The following SUGT1 variants were observed in gnomAD, a reference collection of about 807,000 sequenced individuals.
SUGT1 encodes SGT1 assembly cochaperone of MIS12 kinetochore complex, also known as protein SGT1 homolog.
In SUGT1, 15 loss-of-function variants were observed where a neutral mutation model predicts 56.1. The ratio of observed to expected loss-of-function variants is 0.27; its 90% CI spans 0.18 to 0.41. SUGT1 has a LOEUF of 0.41. Ranked by LOEUF, SUGT1 falls within the 10% of genes least tolerant of loss-of-function variation. The probability of loss-of-function intolerance (pLI) is 1.00; values close to 1 mark genes in which losing one functional copy is unlikely to be tolerated. For synonymous variants in SUGT1, 123 were observed against 128.6 expected (o/e 0.96, Z 0.30); for missense variants, 347 against 382.2 (o/e 0.91, Z 0.77).
chr13:52,659,973 C>T (rs896072753), intron 5 of SUGT1, among the ~76,000 whole-genome samples: 9 of 150,734 alleles, frequency 6.0e-5, no homozygotes, highest in Non-Finnish European at 1.2e-4. Context: ...GGACTACAGG[C>T]GACCACCACC....
At position 52,667,436 on chromosome 13, in the gene SUGT1, CT is replaced by C. The variant is rs564589597; in HGVS notation, c.627+518del. Among the ~76,000 whole-genome samples, 28 of 152,210 alleles carry C rather than the reference CT, an allele frequency of 1.8e-4. 1 individual carries two copies. The South Asian group carries it at 5.0e-3, about 27-fold the overall frequency. ...CTCGGCTCACTGCAACCTCTGCCTC[CT>C]GGATCCAAGTGATTCTCCTGCTTCA... On this transcript the variant is annotated intron_variant, in intron 10 of 12. Transcript: ENST00000310528.
chr13:52,662,791 T>G (rs972507449), intron 6 of SUGT1, 89 bp downstream of exon 6: 121 of 1,337,204 alleles, frequency 9.0e-5, no homozygotes, highest in Non-Finnish European at 1.2e-4. Context: ...GTTTTTATCT[T>G]TATAATTTCT....
In SUGT1 at chr13:52,680,300, C is replaced by G. The variant is rs1007197969; in HGVS notation, c.900+145C>G. 13 of 679,996 alleles carry G rather than the reference C, an allele frequency of 1.9e-5. No individual in the cohort carries two copies. The African/African-American group carries it at 2.3e-4, about 12-fold the overall frequency. 42.1% of individuals were successfully genotyped at this position (679,996 alleles called of 1,614,324 possible). On this transcript the variant is annotated intron_variant, in intron 12 of 12. Coordinates refer to ENST00000310528, the MANE Select transcript of SUGT1 (RefSeq NM_006704.5). Reference sequence around the variant, plus strand: ...GTCTGTCTGAACGTTTCTTTTTGCTCTAAGAGTAATTTTTGAGGAAGTTGA... The same window carrying G: ...GTCTGTCTGAACGTTTCTTTTTGCTGTAAGAGTAATTTTTGAGGAAGTTGA...
chr13:52,656,767 C>A (rs1249644192), intron 2 of SUGT1, among the ~76,000 whole-genome samples: 2 of 152,170 alleles, frequency 1.3e-5, no homozygotes, highest in African/African-American at 4.8e-5. Flanking sequence ...AATAATTTTA[C>A]CATTTAAGAA....
Position 52,698,580 on chromosome 13 carries a change from C to T in SUGT1, c.*10745C>T, listed in dbSNP as rs780309669. Reference sequence around the variant, plus strand: ...AGCCTCTCAGGTAGCTGGGACTGCACTACTAGTGCACTAAGCTAATTTTTA... The same window carrying T: ...AGCCTCTCAGGTAGCTGGGACTGCATTACTAGTGCACTAAGCTAATTTTTA... On this transcript the variant is annotated 3_prime_UTR_variant, in exon 13 of 13. Coordinates refer to ENST00000310528, the MANE Select transcript of SUGT1 (RefSeq NM_006704.5). 6.7e-6 allele frequency: 1 copy of T among 149,434 alleles called. No individual in the cohort carries two copies. The highest frequency in any genetic ancestry group is 1.5e-5 in the Non-Finnish European group (1 of 67,688). 9.3% of individuals were successfully genotyped at this position (149,434 alleles called of 1,614,324 possible).
In SUGT1 at chr13:52,693,933, T is replaced by C. The variant is rs1442517178; in HGVS notation, c.*6098T>C. ...CCCAGTACTGAATGCTGTATGTACATTTTTTATACATGTATACTTATGATA... is the reference window on the plus strand; with the variant it reads ...CCCAGTACTGAATGCTGTATGTACACTTTTTATACATGTATACTTATGATA... On this transcript the variant is annotated 3_prime_UTR_variant, in exon 13 of 13. Transcript: ENST00000310528. 6.6e-6 allele frequency: 1 copy of C among 152,002 alleles called. No homozygotes were observed. Among genetic ancestry groups the C allele is most frequent in the Non-Finnish European group, 1.5e-5 (1 of 68,024 alleles). 9.4% of individuals were successfully genotyped at this position (152,002 alleles called of 1,614,324 possible).
intron 12 of SUGT1, among the ~76,000 whole-genome samples, chr13:52,681,407 C>A (rs1367938072): frequency 1.3e-5 from 2 of 149,064 alleles, no homozygotes; most frequent in East Asian, 3.9e-4. Context: ...GCAACAGAGA[C>A]CCTGTCTCAA....
At chr13:52,671,460 G>A (rs953501075) in intron 10 of SUGT1, among the ~76,000 whole-genome samples, 2 of 152,096 alleles carry the variant, frequency 1.3e-5, no homozygotes, top group Non-Finnish European at 2.9e-5. Flanking sequence ...GACCTGTGGA[G>A]AATAAGAATA....
At position 52,653,047 on chromosome 13, in the gene SUGT1, T is replaced by G. The variant is rs753274611; in HGVS notation, c.40T>G (p.Phe14Val). 2 of 1,614,018 alleles carry G rather than the reference T, an allele frequency of 1.2e-6. No homozygotes were observed. The highest frequency in any genetic ancestry group is 2.2e-5 in the South Asian group (2 of 91,062). ...AAAGTATSQRFFQSFSDALID... is the reference protein window; with the variant it reads ...AAAGTATSQRVFQSFSDALID... ...CTGAAGTCGTTGTTTTCCTGACAGG[T>G]TTTTCCAGAGCTTCTCGGATGCCCT... is the stretch of plus-strand genomic sequence containing the variant. The change falls in exon 2 of 13, where the codon TTT (phenylalanine) becomes GTT (valine). Residue 14 changes from phenylalanine to valine, a missense_variant and splice_region_variant. Coordinates refer to ENST00000310528, the MANE Select transcript of SUGT1 (RefSeq NM_006704.5).
rs999024132 is a variant in SUGT1 at position 52,696,808 on chromosome 13, T to G, written c.*8973T>G. 3 of 151,796 alleles carry G rather than the reference T, an allele frequency of 2.0e-5. No homozygotes were observed. Among genetic ancestry groups the G allele is most frequent in the Non-Finnish European group, 2.9e-5 (2 of 67,978 alleles). 9.4% of individuals were successfully genotyped at this position (151,796 alleles called of 1,614,324 possible). ...ACCACCGTTTCTGACAGGATTTTAA[T>G]TTTTAAGTAGGTTTTTAACCCACAG... On this transcript the variant is annotated 3_prime_UTR_variant, in exon 13 of 13. Transcript: ENST00000310528.
intron 10 of SUGT1, among the ~76,000 whole-genome samples, chr13:52,672,175 G>C (rs180886934): frequency 1.3e-5 from 2 of 152,170 alleles, no homozygotes; most frequent in Admixed American, 1.3e-4. Context: ...AGTTTAGGAA[G>C]TAATCACTCA....
chr13:52,661,411 AC>A (rs904583123), intron 5 of SUGT1: 8 of 206,466 alleles, frequency 3.9e-5, no homozygotes, highest in Non-Finnish European at 3.0e-5. Context: ...TCCTGCCTCA[AC>A]CTCCTGAGCA....
intron 2 of SUGT1, among the ~76,000 whole-genome samples, chr13:52,653,795 C>A (rs1387796447): frequency 2.0e-5 from 3 of 152,150 alleles, no homozygotes; most frequent in Non-Finnish European, 2.9e-5. Flanking sequence ...TGCTGCGGGT[C>A]ACAGAATTTA....
At chr13:52,675,591 A>T (rs1291341917) in intron 10 of SUGT1, among the ~76,000 whole-genome samples, 2 of 152,130 alleles carry the variant, frequency 1.3e-5, no homozygotes, top group Non-Finnish European at 2.9e-5. Flanking sequence ...AATAAAACAA[A>T]AATCTCCCAC....
At chr13:52,653,252 G>A in intron 2 of SUGT1, 149 bp downstream of exon 2, 1 of 987,432 alleles carries the variant, frequency 1.0e-6, no homozygotes, top group South Asian at 1.6e-5. Context: ...GAGATTCTCC[G>A]TCTCTTTTCT....
In SUGT1 at chr13:52,691,464, A is replaced by G. The variant is rs1436354256; in HGVS notation, c.*3629A>G. On this transcript the variant is annotated 3_prime_UTR_variant, in exon 13 of 13. Transcript: ENST00000310528. ...AGATTAGATTATTGATATCTGAGAT[A>G]TATCACTGACCCAGAGCAAAATTGC... 1.3e-5 allele frequency: 2 copies of G among 152,208 alleles called. No individual in the cohort carries two copies. Among genetic ancestry groups the G allele is most frequent in the South Asian group, 2.1e-4 (1 of 4,836 alleles). The allele number at this position is 152,208 out of a possible 1,614,324, so 9.4% of individuals were successfully genotyped here. A position where few individuals can be genotyped will look rare whatever the true frequency, so the allele number is the denominator to read the frequency against.
intron 10 of SUGT1, among the ~76,000 whole-genome samples, chr13:52,673,529 A>G (rs1370737659): frequency 2.6e-5 from 4 of 152,242 alleles, no homozygotes; most frequent in Non-Finnish European, 5.9e-5. Flanking sequence ...GCAGGTTGTT[A>G]CTAAGAGCTT....
At chr13:52,659,503 T>C (rs1375434246) in intron 5 of SUGT1, among the ~76,000 whole-genome samples, 2 of 152,076 alleles carry the variant, frequency 1.3e-5, no homozygotes, top group Non-Finnish European at 2.9e-5. Context: ...ACATGCTCTC[T>C]CTGTTTAGTC....
intron 5 of SUGT1, among the ~76,000 whole-genome samples, chr13:52,662,012 C>T (rs988219308): frequency 6.6e-6 from 1 of 152,052 alleles, no homozygotes; most frequent in African/African-American, 2.4e-5. Flanking sequence ...TCTGTGTCTC[C>T]AGAAGTGAAT....
Sources: allele counts gnomAD v4.1 joint callset (sites outside exome capture counted in the v4.1 genomes callset), GRCh38; gene constraint gnomAD v4.1.1; transcripts MANE v1.5; gene names NCBI Gene and HGNC (gene_info 2026-07-23, HGNC 2026-07-21).